NLGN1: variants seen among roughly 807,000 people sequenced by gnomAD.
The protein encoded by NLGN1 is neuroligin 1, also known as neuroligin-1.
A neutral mutation model predicts 65.5 loss-of-function variants in NLGN1; 12 were observed. The observed-to-expected ratio is 0.18, with a 90% confidence interval of 0.12 to 0.30. The LOEUF (loss-of-function observed/expected upper bound fraction) is 0.30. NLGN1 is among the 10% of genes least tolerant of loss of function. NLGN1 has a pLI of 1.00. For missense variants in NLGN1, 750 were observed against 1,007.1 expected (o/e 0.74, Z 3.46); for synonymous variants, 350 against 359.5 (o/e 0.97, Z 0.30).
At chr3:173,613,669 A>G (rs1020695861) in intron 3 of NLGN1, among the ~76,000 whole-genome samples, 6 of 152,248 alleles carry the variant, frequency 3.9e-5, no homozygotes, top group African/African-American at 1.2e-4. Context: ...GGAATTGAAC[A>G]ACGTTATTTT....
intron 4 of NLGN1, among the ~76,000 whole-genome samples, chr3:174,153,215 A>G (rs1288600432): frequency 6.6e-6 from 1 of 152,122 alleles, no homozygotes; most frequent in African/African-American, 2.4e-5. Context: ...TCAACACTTC[A>G]TAGAATTTAC....
chr3:173,838,662 T>G (rs1724151809), intron 4 of NLGN1, among the ~76,000 whole-genome samples: 1 of 152,182 alleles, frequency 6.6e-6, no homozygotes, highest in African/African-American at 2.4e-5. Flanking sequence ...AATGAATGAA[T>G]CACTGCTGCT....
chr3:174,081,712 C>G (rs1454641533), intron 4 of NLGN1, among the ~76,000 whole-genome samples: 2 of 150,138 alleles, frequency 1.3e-5, no homozygotes, highest in Non-Finnish European at 1.5e-5. Context: ...GCTGGGATTA[C>G]AGACATGTGC....
intron 4 of NLGN1, among the ~76,000 whole-genome samples, chr3:174,035,126 T>C (rs1251884026): frequency 6.6e-6 from 1 of 152,198 alleles, no homozygotes; most frequent in Non-Finnish European, 1.5e-5. Context: ...AAATTTACAT[T>C]ATTTAATTTA....
At chr3:173,412,992 A>G (rs1351838638) in intron 1 of NLGN1, among the ~76,000 whole-genome samples, 4 of 152,164 alleles carry the variant, frequency 2.6e-5, no homozygotes, top group African/African-American at 9.7e-5. Flanking sequence ...CTACAGATGG[A>G]AAGGAGGGAA....
At position 174,050,398 on chromosome 3, in the gene NLGN1, A is replaced by AT. The variant is rs922450330; in HGVS notation, c.647-224907dup. Among the ~76,000 whole-genome samples, 968 of 148,284 alleles carry AT rather than the reference A, an allele frequency of 6.5e-3. 22 individuals carry two copies. Among genetic ancestry groups the AT allele is most frequent in the East Asian group, 0.039 (198 of 5,092 alleles). On this transcript the variant is annotated intron_variant, in intron 4 of 6. Transcript: ENST00000457714. Reference sequence around the variant, plus strand: ...GACAGTGAAATTTGGACTTTGAAACATTTTTTTTTTCTGTTTTCAGTCCAG... The same window carrying AT: ...GACAGTGAAATTTGGACTTTGAAACATTTTTTTTTTTCTGTTTTCAGTCCAG...
At chr3:173,523,443 A>T (rs1735111165) in intron 2 of NLGN1, among the ~76,000 whole-genome samples, 1 of 151,702 alleles carries the variant, frequency 6.6e-6, no homozygotes, top group African/African-American at 2.4e-5. Flanking sequence ...ATGATGAGAG[A>T]TAAGGATCCA....
intron 4 of NLGN1, among the ~76,000 whole-genome samples, chr3:174,077,008 C>T (rs1741153575): frequency 6.6e-6 from 1 of 152,118 alleles, no homozygotes; most frequent in Admixed American, 6.6e-5. Context: ...GAACAATTAA[C>T]ATACAGAATT....
chr3:173,728,631 A>G (rs562394004), intron 3 of NLGN1, among the ~76,000 whole-genome samples: 1 of 152,210 alleles, frequency 6.6e-6, no homozygotes, highest in South Asian at 2.1e-4. Context: ...GTGGGCCCTA[A>G]ATCCAAAGAC....
intron 4 of NLGN1, among the ~76,000 whole-genome samples, chr3:173,835,511 A>G (rs992000206): frequency 4.6e-5 from 7 of 151,616 alleles, no homozygotes; most frequent in Non-Finnish European, 1.0e-4. Flanking sequence ...TAATAGAGAT[A>G]AAGCATATAT....
chr3:174,182,739 G>C (rs549838778), intron 4 of NLGN1, among the ~76,000 whole-genome samples: 5 of 152,158 alleles, frequency 3.3e-5, no homozygotes, highest in Non-Finnish European at 7.4e-5. Flanking sequence ...CTCCATGTAA[G>C]AGAAGAATGG....
intron 4 of NLGN1, among the ~76,000 whole-genome samples, chr3:174,056,747 G>A (rs1011518900): frequency 1.4e-4 from 22 of 152,034 alleles, no homozygotes; most frequent in Non-Finnish European, 1.9e-4. Flanking sequence ...CAGACTTAAG[G>A]AAGCCATTCT....
chr3:173,519,789 A>T (rs569736200), intron 2 of NLGN1, among the ~76,000 whole-genome samples: 1 of 151,962 alleles, frequency 6.6e-6, no homozygotes, highest in East Asian at 1.9e-4. Flanking sequence ...TTTTGAGTAA[A>T]TGTTGGAATG....
intron 4 of NLGN1, among the ~76,000 whole-genome samples, chr3:174,107,015 C>CAGAG (rs1349226673): frequency 0.026 from 1,712 of 65,132 alleles, 8 homozygotes; most frequent in South Asian, 0.05. Context: ...CACACACACA[C>CAGAG]ACAGAGAGAG....
At chr3:173,854,252 A>G (rs1727524748) in intron 4 of NLGN1, among the ~76,000 whole-genome samples, 1 of 152,046 alleles carries the variant, frequency 6.6e-6, no homozygotes, top group Non-Finnish European at 1.5e-5. Context: ...ACTCATTTTA[A>G]TTAAAGTAAT....
chr3:173,422,131 A>G lies in NLGN1; in HGVS notation c.-389-12879A>G, dbSNP rs535043684. Among the ~76,000 whole-genome samples, 55 of 143,328 alleles carry G rather than the reference A, an allele frequency of 3.8e-4. No individual in the cohort carries two copies. The East Asian group carries it at 8.9e-3, about 23-fold the overall frequency. 94.0% of individuals were successfully genotyped at this position (143,328 alleles called of 152,430 possible). A position where few individuals can be genotyped will look rare whatever the true frequency, so the allele number is the denominator to read the frequency against. ...ATATATGTGTGTATGTGTACTATAT[A>G]TAGTACACTATATATACACACACAC... is the stretch of plus-strand genomic sequence containing the variant. On this transcript the variant is annotated intron_variant, in intron 1 of 6. Coordinates refer to ENST00000457714, the Ensembl canonical transcript of NLGN1.
chr3:173,848,296 G>C (rs1276022704), intron 4 of NLGN1, among the ~76,000 whole-genome samples: 1 of 152,142 alleles, frequency 6.6e-6, no homozygotes, highest in Non-Finnish European at 1.5e-5. Flanking sequence ...CACTTATGTG[G>C]TAGGTGTTAT....
chr3:173,793,066 G>T (rs1268669810), intron 3 of NLGN1, among the ~76,000 whole-genome samples: 1 of 152,240 alleles, frequency 6.6e-6, no homozygotes, highest in South Asian at 2.1e-4. Flanking sequence ...AGTTGAATGT[G>T]TGCACATTTT....
chr3:173,451,574 C>T (rs533122829), intron 2 of NLGN1, among the ~76,000 whole-genome samples: 3 of 152,308 alleles, frequency 2.0e-5, no homozygotes, highest in African/African-American at 7.2e-5. Context: ...AGAACCACTA[C>T]TCTCTTCAAA....
Sources: gnomAD v4.1 joint callset for allele counts (sites outside exome capture counted in the v4.1 genomes callset) on GRCh38, gnomAD v4.1.1 for gene constraint, MANE v1.5 for transcripts, NCBI Gene and HGNC (gene_info 2026-07-23, HGNC 2026-07-21) for gene names.